The following ATF2 variants were observed in gnomAD, a reference collection of about 807,000 sequenced individuals.
ATF2 encodes the protein cyclic AMP-dependent transcription factor ATF-2.
Under a neutral mutation model 60.6 loss-of-function variants are expected in ATF2, and 24 were observed. The ratio of observed to expected loss-of-function variants is 0.40; its 90% CI spans 0.29 to 0.56. The LOEUF (loss-of-function observed/expected upper bound fraction) is 0.56, where lower values mean the gene tolerates loss of function less well. ATF2 is among the 20% of genes least tolerant of loss of function. The probability of loss-of-function intolerance (pLI) is 0.54; values close to 1 mark genes in which losing one functional copy is unlikely to be tolerated. For synonymous variants in ATF2, 206 were observed against 215.4 expected, an observed-to-expected ratio of 0.96 and a Z score of 0.38; for missense variants, 433 against 607.7, an observed-to-expected ratio of 0.71 and a Z score of 3.02.
At chr2:175,158,339 C>T (rs1170755381) in intron 1 of ATF2, among the ~76,000 whole-genome samples, 4 of 151,150 alleles carry the variant, frequency 2.6e-5, no homozygotes, top group Non-Finnish European at 5.9e-5. Flanking sequence ...GATCCTCCCA[C>T]CTCAACCTCC....
At chr2:175,080,038 C>T (rs544950269) in intron 13 of ATF2, among the ~76,000 whole-genome samples, 3 of 152,218 alleles carry the variant, frequency 2.0e-5, no homozygotes, top group Non-Finnish European at 2.9e-5. Context: ...CACAATTAAC[C>T]TTTAAAATGC....
chr2:175,106,938 T>C (rs1333637532), intron 10 of ATF2, among the ~76,000 whole-genome samples: 1 of 151,852 alleles, frequency 6.6e-6, no homozygotes, highest in Non-Finnish European at 1.5e-5. Context: ...CCGAGGAGGG[T>C]GGATTGCCTG....
rs1700494298 is a variant in ATF2, at chr2:175,168,099, G to A, written c.-192C>T. ...CCTTTCGGTCACCCGCGAGCCCTGAGCACAGCCGTGTTTACAAAGCACCCC... is the reference window on the plus strand; with the variant it reads ...CCTTTCGGTCACCCGCGAGCCCTGAACACAGCCGTGTTTACAAAGCACCCC... On this transcript the variant is annotated 5_prime_UTR_variant, in exon 1 of 14. Coordinates refer to ENST00000264110, the MANE Select transcript of ATF2 (RefSeq NM_001880.4). 1 of 172,482 alleles carries A rather than the reference G, an allele frequency of 5.8e-6. No homozygotes were observed. The highest frequency in any genetic ancestry group is 1.3e-5 in the Non-Finnish European group (1 of 78,018). The allele number at this position is 172,482 out of a possible 1,614,324, so 10.7% of individuals were successfully genotyped here. A position where few individuals can be genotyped will look rare whatever the true frequency, so the allele number is the denominator to read the frequency against.
At chr2:175,133,351 C>A (rs1363732832) in intron 3 of ATF2, among the ~76,000 whole-genome samples, 1 of 152,054 alleles carries the variant, frequency 6.6e-6, no homozygotes, top group Non-Finnish European at 1.5e-5. Flanking sequence ...ACACATAAGG[C>A]TACCTGATTT....
intron 5 of ATF2, among the ~76,000 whole-genome samples, chr2:175,119,348 T>C (rs551849512): frequency 6.6e-6 from 1 of 151,750 alleles, no homozygotes; most frequent in South Asian, 2.1e-4. Context: ...AGTACTCTAC[T>C]AAGGAAGACT....
chr2:175,111,740 C>A, intron 9 of ATF2, 86 bp from the exon 10 acceptor site: 5 of 1,150,848 alleles, frequency 4.3e-6, no homozygotes, highest in Non-Finnish European at 6.3e-6. Context: ...TAATTTGAGA[C>A]TTTAAGAATC....
intron 10 of ATF2, among the ~76,000 whole-genome samples, chr2:175,108,309 C>T: frequency 6.6e-6 from 1 of 151,882 alleles, no homozygotes; most frequent in Non-Finnish European, 1.5e-5. Context: ...GCCACCCCGT[C>T]CGGGAGGGAG....
At chr2:175,124,151 A>C (rs1046019107) in intron 4 of ATF2, among the ~76,000 whole-genome samples, 8 of 152,010 alleles carry the variant, frequency 5.3e-5, no homozygotes, top group Non-Finnish European at 1.2e-4. Flanking sequence ...CTGAATTCAT[A>C]AACTGTATTC....
intron 3 of ATF2, among the ~76,000 whole-genome samples, chr2:175,131,899 T>A (rs1559097651): frequency 6.6e-6 from 1 of 152,204 alleles, no homozygotes; most frequent in Non-Finnish European, 1.5e-5. Flanking sequence ...AATTTATGAT[T>A]TAAAAATAAC....
chr2:175,136,228 G>A (rs1263244377), intron 3 of ATF2, among the ~76,000 whole-genome samples, 184 bp downstream of exon 3: 2 of 151,996 alleles, frequency 1.3e-5, no homozygotes, highest in Non-Finnish European at 2.9e-5. Context: ...AGTGTACTTA[G>A]ATGCTTTTAA....
chr2:175,123,433 A>G (rs999276346), intron 4 of ATF2, among the ~76,000 whole-genome samples: 4 of 152,054 alleles, frequency 2.6e-5, no homozygotes, highest in African/African-American at 9.7e-5. Context: ...ATTTTGGTGC[A>G]GGTCCCAGAT....
intron 2 of ATF2, among the ~76,000 whole-genome samples, chr2:175,145,973 A>C (rs901026534): frequency 7.9e-5 from 12 of 152,192 alleles, no homozygotes; most frequent in Admixed American, 7.2e-4. Flanking sequence ...CTTAATTACT[A>C]AGGGCAAAAG....
At chr2:175,096,854 T>C (rs1258417869) in intron 11 of ATF2, among the ~76,000 whole-genome samples, 2 of 152,190 alleles carry the variant, frequency 1.3e-5, no homozygotes, top group Non-Finnish European at 2.9e-5. Context: ...TCTATAAAAT[T>C]TACAGAACTT....
chr2:175,144,655 A>G (rs1306926456), intron 2 of ATF2, among the ~76,000 whole-genome samples: 1 of 152,196 alleles, frequency 6.6e-6, no homozygotes, highest in Non-Finnish European at 1.5e-5. Flanking sequence ...CAGAGTGAGA[A>G]AGATGTCCAC....
chr2:175,108,574 G>A (rs1274435451), intron 10 of ATF2, among the ~76,000 whole-genome samples: 33 of 150,420 alleles, frequency 2.2e-4, no homozygotes, highest in African/African-American at 3.4e-4. Flanking sequence ...GCCTCCGCCC[G>A]GCCAGCCGAC....
intron 3 of ATF2, among the ~76,000 whole-genome samples, chr2:175,133,447 G>C (rs1697895403): frequency 6.6e-6 from 1 of 152,116 alleles, no homozygotes; most frequent in African/African-American, 2.4e-5. Context: ...AAGAGTACTT[G>C]ACTCAACTAA....
At chr2:175,154,459 T>C (rs58626672) in intron 1 of ATF2, among the ~76,000 whole-genome samples, 140 of 151,836 alleles carry the variant, frequency 9.2e-4, no homozygotes, top group African/African-American at 3.4e-3. Flanking sequence ...CTGCCTGAGG[T>C]TGTTTTAAAA....
chr2:175,127,992 G>T (rs931769744), intron 4 of ATF2, among the ~76,000 whole-genome samples: 9 of 152,204 alleles, frequency 5.9e-5, no homozygotes, highest in African/African-American at 1.4e-4. Context: ...TAACTGACTG[G>T]AACACTAACT....
intron 2 of ATF2, among the ~76,000 whole-genome samples, chr2:175,137,393 T>C (rs958585504): frequency 6.6e-6 from 1 of 152,132 alleles, no homozygotes; most frequent in Non-Finnish European, 1.5e-5. Flanking sequence ...AAATCTGTAA[T>C]AGCCATGCTT....
Sources: gnomAD v4.1 joint callset for allele counts (sites outside exome capture counted in the v4.1 genomes callset) on GRCh38, gnomAD v4.1.1 for gene constraint, MANE v1.5 for transcripts, NCBI Gene and HGNC (gene_info 2026-07-23, HGNC 2026-07-21) for gene names.